The following USP9X variants were observed in gnomAD, a reference collection of about 807,000 sequenced individuals.
The protein encoded by USP9X is ubiquitin carboxyl-terminal hydrolase 9X.
A neutral mutation model predicts 190.3 loss-of-function variants in USP9X; 7 were observed. The observed-to-expected ratio is 0.04, with a 90% CI of 0.02 to 0.07. USP9X has a LOEUF of 0.07. USP9X is among the 10% of genes least tolerant of loss of function. The pLI is 1.00. For missense variants in USP9X, 1,010 were observed against 1,916.9 expected, an observed-to-expected ratio of 0.53 and a Z score of 8.83; for synonymous variants, 645 against 659.5, an observed-to-expected ratio of 0.98 and a Z score of 0.34.
intron 35 of USP9X, 151 bp downstream of exon 35, chrX:41,216,803 G>A: frequency 1.5e-6 from 1 of 659,461 alleles, no homozygotes; most frequent in Non-Finnish European, 2.2e-6. Context: ...AGCACTTTGG[G>A]AGGCCGAGGT....
Position 41,165,872 on chromosome X carries a change from A to G in USP9X, c.1986A>G (p.Arg662=). 1 of 1,198,075 alleles carries G rather than the reference A, an allele frequency of 8.3e-7. No homozygotes were observed. Among genetic ancestry groups the G allele is most frequent in the Non-Finnish European group, 1.1e-6 (1 of 889,997 alleles). Reference sequence around the variant, plus strand: ...TGCCAATTTTCAATGTTTTTTCAAGATTTTTATTGAAGGATGGTCAGCTGT... The same window carrying G: ...TGCCAATTTTCAATGTTTTTTCAAGGTTTTTATTGAAGGATGGTCAGCTGT... ...QEVQERLNFL[R]FLLKDGQLWL... Residue 662 remains arginine, a splice_region_variant and synonymous_variant, in exon 16 of 45, where the codon AGA becomes AGG. Coordinates refer to ENST00000378308, the MANE Select transcript of USP9X (RefSeq NM_001039591.3).
chrX:41,143,799 C>T (rs2062441981), intron 10 of USP9X, among the ~76,000 whole-genome samples: 1 of 111,529 alleles, frequency 9.0e-6, no homozygotes. Flanking sequence ...AATTAATTCA[C>T]TTGATTATTT....
In USP9X at chrX:41,152,898, A is replaced by G. The variant is rs140480447; in HGVS notation, c.1764-50A>G. On this transcript the variant is annotated intron_variant, in intron 13 of 44. Coordinates refer to ENST00000378308, the MANE Select transcript of USP9X (RefSeq NM_001039591.3). ...TTAGATAGTACGAACTCTTCTGGTT[A>G]CAACAGAGTTTAATTGCCTAATTAT... 4,639 of 1,162,717 alleles carry G rather than the reference A, an allele frequency of 4.0e-3. 111 individuals are homozygous for G. The African/African-American group carries it at 0.07, about 18-fold the overall frequency.
At chrX:41,146,157 T>C (rs570128458) in intron 11 of USP9X, among the ~76,000 whole-genome samples, 3 of 111,847 alleles carry the variant, frequency 2.7e-5, no homozygotes, top group African/African-American at 9.7e-5. Flanking sequence ...GGGGTTGTTA[T>C]TATATCTGCT....
At chrX:41,137,835 C>G (rs2062388857) in intron 6 of USP9X, among the ~76,000 whole-genome samples, 1 of 110,197 alleles carries the variant, frequency 9.1e-6, no homozygotes, top group African/African-American at 3.3e-5. Flanking sequence ...TGGCAGTCTT[C>G]AAAATGAAAA....
At chrX:41,209,977 T>C (rs1247054021) in intron 32 of USP9X, among the ~76,000 whole-genome samples, 1 of 112,086 alleles carries the variant, frequency 8.9e-6, no homozygotes, top group African/African-American at 3.2e-5. Flanking sequence ...TGTCTTTTCT[T>C]AGATTACTCA....
At chrX:41,226,118 A>C (rs185246381) in intron 41 of USP9X, among the ~76,000 whole-genome samples, 9,752 of 112,097 alleles carry the variant, frequency 0.087, 406 homozygotes, top group Non-Finnish European at 0.12. Flanking sequence ...GCAGTTATAA[A>C]TAAAGTTTAG....
At chrX:41,134,622 G>A in intron 4 of USP9X, 103 bp from the exon 5 acceptor site, 4 of 589,446 alleles carry the variant, frequency 6.8e-6, no homozygotes, top group Non-Finnish European at 5.3e-6. Flanking sequence ...GTTAGCTGTC[G>A]GTGAAGTTTC....
At chrX:41,222,876 C>T (rs886175840) in intron 38 of USP9X, among the ~76,000 whole-genome samples, 1 of 111,581 alleles carries the variant, frequency 9.0e-6, no homozygotes, top group African/African-American at 3.3e-5. Context: ...CATGCTACTG[C>T]ACTCCATCCT....
At chrX:41,229,105 T>A (rs2063339885) in intron 41 of USP9X, 148 bp from the exon 42 acceptor site, 1 of 401,117 alleles carries the variant, frequency 2.5e-6, no homozygotes. Context: ...AATAAATAAA[T>A]AAAAAATAAA....
Position 41,189,399 on chromosome X carries a change from A to G in USP9X, c.3901A>G (p.Thr1301Ala), listed in dbSNP as rs371801568. Residue 1301 changes from threonine to alanine, a missense_variant, in exon 26 of 45, where the codon ACA becomes GCA. Physicochemically the swap from Thr to Ala is moderately conservative, Grantham distance 58. Transcript: ENST00000378308. Reference protein sequence around the residue: ...VMTLCFALIPTALDALSKEKA... With the variant: ...VMTLCFALIPAALDALSKEKA... ...GACCTTATGTTTTGCCTTGATTCCA[A>G]CAGCCTTAGATGCTCTTAGTAAAGA... 5 of 1,210,134 alleles carry G rather than the reference A, an allele frequency of 4.1e-6. No individual in the cohort carries two copies. The highest frequency in any genetic ancestry group is 5.6e-6 in the Non-Finnish European group (5 of 894,827).
intron 1 of USP9X, among the ~76,000 whole-genome samples, chrX:41,122,484 T>C (rs1448158757): frequency 8.9e-6 from 1 of 111,922 alleles, no homozygotes; most frequent in Non-Finnish European, 1.9e-5. Flanking sequence ...CCTCACAGGA[T>C]GTGTGACAGG....
At chrX:41,180,945 C>G (rs909305571) in intron 21 of USP9X, among the ~76,000 whole-genome samples, 2 of 111,600 alleles carry the variant, frequency 1.8e-5, no homozygotes, top group Non-Finnish European at 3.8e-5. Context: ...TAATGATTCT[C>G]TCTTTCCCCT....
intron 21 of USP9X, among the ~76,000 whole-genome samples, chrX:41,182,383 A>T (rs2062835111): frequency 1.8e-5 from 2 of 110,217 alleles, no homozygotes; most frequent in South Asian, 7.7e-4. Flanking sequence ...GAAGAAAAAA[A>T]AATATCCACC....
At chrX:41,214,804 T>G (rs1335003136) in intron 34 of USP9X, 95 bp downstream of exon 34, 1 of 909,274 alleles carries the variant, frequency 1.1e-6, no homozygotes, top group Non-Finnish European at 1.5e-6. Context: ...CACCCTATTT[T>G]TATTTTCTCC....
intron 12 of USP9X, among the ~76,000 whole-genome samples, chrX:41,149,196 G>A (rs1247628367): frequency 9.0e-6 from 1 of 111,691 alleles, no homozygotes; most frequent in Admixed American, 9.5e-5. Context: ...GTGACAGTTC[G>A]GTAAGTATTT....
chrX:41,202,068 T>A (rs2063047424), intron 31 of USP9X, among the ~76,000 whole-genome samples: 1 of 113,054 alleles, frequency 8.8e-6, no homozygotes, highest in Admixed American at 9.3e-5. Flanking sequence ...TCATTTTTGA[T>A]AATAGTTTTA....
In USP9X at chrX:41,170,048, G is replaced by T; in HGVS notation, c.2690G>T (p.Arg897Ile). ...SFVVRFPNQGRQVDDLEVWSH... is the reference protein window; with the variant it reads ...SFVVRFPNQGIQVDDLEVWSH... ...GTAGTTCGATTTCCAAACCAGGGCA[G>T]ACAGGTTGATGACTTGGAGGTATGG... The change falls in exon 19 of 45, where the codon AGA (arginine) becomes ATA (isoleucine). Residue 897 changes from arginine to isoleucine, a missense_variant. Arg to Ile is a moderately conservative substitution (Grantham distance 97). Around this residue, in one of 11 missense-constraint regions of USP9X, gnomAD observed 351 missense variants for 480.8 expected, o/e 0.73. Transcript: ENST00000378308. 2 of 1,211,451 alleles carry T rather than the reference G, an allele frequency of 1.7e-6. No individual in the cohort carries two copies. The highest frequency in any genetic ancestry group is 2.2e-6 in the Non-Finnish European group (2 of 895,309).
chrX:41,115,763 C>CT (rs975964962), intron 1 of USP9X, among the ~76,000 whole-genome samples: 36 of 111,030 alleles, frequency 3.2e-4, no homozygotes, highest in Non-Finnish European at 6.8e-4. Context: ...ATTTAAACAC[C>CT]TTTTTTTTGG....
Sources: allele counts gnomAD v4.1 joint callset (sites outside exome capture counted in the v4.1 genomes callset), GRCh38; gene constraint gnomAD v4.1.1; regional missense constraint gnomAD v4.1.1; transcripts MANE v1.5; gene names NCBI Gene and HGNC (gene_info 2026-07-23, HGNC 2026-07-21).